Variants in DDX6 observed in about 807,000 individuals in gnomAD.
DDX6 encodes probable ATP-dependent RNA helicase DDX6.
A neutral mutation model predicts 60.6 loss-of-function variants in DDX6; 7 were observed. The ratio of observed to expected loss-of-function variants is 0.12; its 90% confidence interval spans 0.07 to 0.22. DDX6 has a LOEUF of 0.22. Among genes scored for constraint, DDX6 ranks in the 10% least tolerant of loss-of-function variants. The pLI is 1.00. For synonymous variants in DDX6, 207 were observed against 201.0 expected, an observed-to-expected ratio of 1.03 and a Z score of -0.25; for missense variants, 270 against 589.9, an observed-to-expected ratio of 0.46 and a Z score of 5.62.
chr11:118,777,377 T>C (rs1555163788), intron 4 of DDX6, among the ~76,000 whole-genome samples: 1 of 152,190 alleles, frequency 6.6e-6, no homozygotes, highest in Non-Finnish European at 1.5e-5. Flanking sequence ...TGCATGTTTA[T>C]ATGTACGTGT....
intron 4 of DDX6, among the ~76,000 whole-genome samples, chr11:118,771,613 G>A (rs1861537609): frequency 6.6e-6 from 1 of 152,188 alleles, no homozygotes; most frequent in African/African-American, 2.4e-5. Context: ...GAACTGCCAG[G>A]GAGAAGGCAA....
In DDX6 at chr11:118,779,688, G is replaced by A. The variant is rs1555164282; in HGVS notation, c.313C>T (p.Arg105Trp). 2 of 1,612,026 alleles carry A rather than the reference G, an allele frequency of 1.2e-6. No individual in the cohort carries two copies. Among genetic ancestry groups the A allele is most frequent in the East Asian group, 2.2e-5 (1 of 44,848 alleles). Residue 105 changes from arginine (R) to tryptophan (W), a missense_variant, in exon 4 of 14, where the codon CGG (arginine) becomes TGG (tryptophan). By Grantham distance (101) the Arg-to-Trp change is moderately radical (BLOSUM62 -3). Coordinates refer to ENST00000534980, the MANE Select transcript of DDX6 (RefSeq NM_004397.6). ...TCAAAAATTCCCATCAGTAACTCCC[G>A]TTTCAAACAGTAATCTTCAAACTCA... ...GNEFEDYCLK[R>W]ELLMGIFEMG...
chr11:118,753,590 G>A (rs955617324), intron 13 of DDX6, among the ~76,000 whole-genome samples: 17 of 151,634 alleles, frequency 1.1e-4, no homozygotes, highest in Non-Finnish European at 2.4e-4. Context: ...CGCCCACCTC[G>A]GCCTCCCAAA....
chr11:118,789,918 C>A (rs1220685232), intron 1 of DDX6: 2 of 148,682 alleles, frequency 1.3e-5, no homozygotes, highest in African/African-American at 4.9e-5. Flanking sequence ...TCTACATTTT[C>A]AAAAACAAAA....
At position 118,747,910 on chromosome 11, in the gene DDX6, CCCCCCA is replaced by C. The variant is rs1306233243; in HGVS notation, c.*4189_*4194del. 1 of 138,788 alleles carries C rather than the reference CCCCCCA, an allele frequency of 7.2e-6. No homozygotes were observed. The highest frequency in any genetic ancestry group is 1.6e-5 in the Non-Finnish European group (1 of 63,442). 8.6% of individuals were successfully genotyped at this position (138,788 alleles called of 1,614,324 possible). ...TCCCAACAAAAACAGAGCCCCCCCC[CCCCCCA>C]CTGGAACATCTGCCAATTAAGAGAA... On this transcript the variant is annotated 3_prime_UTR_variant, in exon 14 of 14. Coordinates refer to ENST00000534980, the MANE Select transcript of DDX6 (RefSeq NM_004397.6).
At chr11:118,753,778 C>T (rs1324090024) in intron 13 of DDX6, among the ~76,000 whole-genome samples, 8 of 152,030 alleles carry the variant, frequency 5.3e-5, no homozygotes, top group African/African-American at 1.9e-4. Context: ...TTTACATTTT[C>T]AGAAATGTAA....
At chr11:118,752,997 G>A (rs1159288762) in intron 13 of DDX6, among the ~76,000 whole-genome samples, 6 of 152,102 alleles carry the variant, frequency 3.9e-5, no homozygotes, top group East Asian at 1.9e-4. Context: ...TGTATTTGAC[G>A]GAGTTTCACT....
intron 4 of DDX6, among the ~76,000 whole-genome samples, chr11:118,771,395 C>T (rs1861530287): frequency 6.6e-6 from 1 of 152,150 alleles, no homozygotes; most frequent in Non-Finnish European, 1.5e-5. Context: ...AAAAACTGTT[C>T]AAGGATAAAG....
chr11:118,769,606 C>T (rs1233493516), intron 4 of DDX6, among the ~76,000 whole-genome samples: 2 of 152,166 alleles, frequency 1.3e-5, no homozygotes, highest in Admixed American at 6.5e-5. Context: ...CAAGCACCCC[C>T]ACTCTTTGCA....
rs376176981 is a variant in DDX6, at chr11:118,765,379, T to C, written c.500-24A>G. On this transcript the variant is annotated intron_variant, in intron 5 of 13. Transcript: ENST00000534980. Reference sequence around the variant, plus strand: ...TGCTGAAACAGTATCAAGGAATATATAAGAAAATATGGGGTGAGGTGGGAG... The same window carrying C: ...TGCTGAAACAGTATCAAGGAATATACAAGAAAATATGGGGTGAGGTGGGAG... 22 of 1,612,648 alleles carry C rather than the reference T, an allele frequency of 1.4e-5. No individual in the cohort carries two copies. The African/African-American group carries it at 2.1e-4, about 16-fold the overall frequency.
chr11:118,776,310 T>C (rs1332098180), intron 4 of DDX6, among the ~76,000 whole-genome samples: 2 of 152,236 alleles, frequency 1.3e-5, no homozygotes, highest in Non-Finnish European at 2.9e-5. Context: ...TATGGTATTA[T>C]ACTATTACCT....
chr11:118,753,158 A>G (rs1288404999), intron 13 of DDX6, among the ~76,000 whole-genome samples: 1 of 151,908 alleles, frequency 6.6e-6, no homozygotes, highest in Non-Finnish European at 1.5e-5. Context: ...CCTCCTGACT[A>G]GCTGGGATTA....
At position 118,754,902 on chromosome 11, in the gene DDX6, T is replaced by A. The variant is rs1424862475; in HGVS notation, c.1277-15A>T. On this transcript the variant is annotated splice_polypyrimidine_tract_variant and intron_variant, in intron 12 of 13. Coordinates refer to ENST00000534980, the MANE Select transcript of DDX6 (RefSeq NM_004397.6). ...ACCAAAGCGACCTAAAAAACATGCG[T>A]TTAAAAATTTTAATGAATAAAATAT... The A allele has an allele frequency of 1.9e-6, 3 of 1,577,522 alleles. No homozygotes were observed. The African/African-American group carries it at 4.1e-5, about 22-fold the overall frequency.
rs2137383994 is a variant in DDX6, at chr11:118,750,067, C to T, written c.*2038G>A. 6.6e-6 allele frequency: 1 copy of T among 152,652 alleles called. No individual in the cohort carries two copies. Among genetic ancestry groups the T allele is most frequent in the Admixed American group, 6.5e-5 (1 of 15,280 alleles). 9.5% of individuals were successfully genotyped at this position (152,652 alleles called of 1,614,324 possible). On this transcript the variant is annotated 3_prime_UTR_variant, in exon 14 of 14. Transcript: ENST00000534980. ...GTAGGCAGAGTCAAAAAAGCAACTT[C>T]AAGTAATTGATTCCTTTGTCCAAAA...
At position 118,750,424 on chromosome 11, in the gene DDX6, T is replaced by A. The variant is rs1457914655; in HGVS notation, c.*1681A>T. 6.6e-6 allele frequency: 1 copy of A among 152,140 alleles called. No homozygotes were observed. The highest frequency in any genetic ancestry group is 1.5e-5 in the Non-Finnish European group (1 of 68,034). The allele number at this position is 152,140 out of a possible 1,614,324, so 9.4% of individuals were successfully genotyped here. A position where few individuals can be genotyped will look rare whatever the true frequency, so the allele number is the denominator to read the frequency against. ...GCAAAATGACAGGTAACAATTCTTG[T>A]CACAATGCAAGAGAATGGCAAGCAG... On this transcript the variant is annotated 3_prime_UTR_variant, in exon 14 of 14. Coordinates refer to ENST00000534980, the MANE Select transcript of DDX6 (RefSeq NM_004397.6).
At chr11:118,774,544 C>G (rs1389811710) in intron 4 of DDX6, among the ~76,000 whole-genome samples, 3 of 146,208 alleles carry the variant, frequency 2.1e-5, no homozygotes, top group African/African-American at 7.5e-5. Context: ...TCCTGGCTCA[C>G]TTACAGCCTC....
chr11:118,779,874 G>A (rs1179295077), intron 3 of DDX6, 138 bp from the exon 4 acceptor site: 1 of 598,562 alleles, frequency 1.7e-6, no homozygotes, highest in Non-Finnish European at 2.9e-6. Context: ...CCAGCACTTT[G>A]GGAGGCCAAG....
In DDX6 at chr11:118,755,442, T is replaced by C. The variant is rs1860933088; in HGVS notation, c.1236A>G (p.Pro412=). The change falls in exon 12 of 14, where the codon CCA becomes CCG. Residue 412 remains proline, a synonymous_variant. Coordinates refer to ENST00000534980, the MANE Select transcript of DDX6 (RefSeq NM_004397.6). ...AVNVVINFDF[P]KLAETYLHRI... is the part of the protein sequence containing the mutation. ...GATGGAGATAGGTCTCTGCCAGCTT[T>C]GGGAAATCAAAGTTTATTACCACAT... 1.2e-6 allele frequency: 2 copies of C among 1,611,532 alleles called. No homozygotes were observed. The highest frequency in any genetic ancestry group is 1.7e-6 in the Non-Finnish European group (2 of 1,178,058).
At chr11:118,784,769 G>C in intron 2 of DDX6, among the ~76,000 whole-genome samples, 1 of 136,652 alleles carries the variant, frequency 7.3e-6, no homozygotes, top group Non-Finnish European at 1.6e-5. Context: ...TTTTTTTTTT[G>C]AGATGGAGTT....
Sources: allele counts gnomAD v4.1 joint callset (sites outside exome capture counted in the v4.1 genomes callset), GRCh38; gene constraint gnomAD v4.1.1; transcripts MANE v1.5; gene names NCBI Gene and HGNC (gene_info 2026-07-23, HGNC 2026-07-21).